The following PCDH9 variants were observed in gnomAD, a reference collection of about 807,000 sequenced individuals.
PCDH9 encodes the protein protocadherin 9.
In PCDH9, 24 loss-of-function variants were observed where a neutral mutation model predicts 70.6. The observed-to-expected ratio is 0.34, with a 90% CI of 0.25 to 0.48. The LOEUF (loss-of-function observed/expected upper bound fraction) is 0.48. Ranked by LOEUF, PCDH9 falls within the 20% of genes least tolerant of loss-of-function variation. The pLI, the probability that PCDH9 is intolerant of heterozygous loss-of-function variation, is 0.99. For synonymous variants in PCDH9, 562 were observed against 558.5 expected (o/e 1.01, Z -0.09); for missense variants, 1,281 against 1,503.6 (o/e 0.85, Z 2.45).
At chr13:67,114,756 T>C (rs2086726228) in intron 2 of PCDH9, among the ~76,000 whole-genome samples, 1 of 152,164 alleles carries the variant, frequency 6.6e-6, no homozygotes, top group Admixed American at 6.5e-5. Flanking sequence ...TGAGGGGAGA[T>C]AAATGTAGAA....
At chr13:67,093,856 T>A (rs1262715016) in intron 2 of PCDH9, among the ~76,000 whole-genome samples, 2 of 152,160 alleles carry the variant, frequency 1.3e-5, no homozygotes, top group Non-Finnish European at 2.9e-5. Flanking sequence ...TCCAATATTA[T>A]TTATCAATTT....
chr13:66,912,514 G>GACACAC (rs34088176), intron 2 of PCDH9, among the ~76,000 whole-genome samples: 2,548 of 149,906 alleles, frequency 0.017, 42 homozygotes, highest in South Asian at 0.038. Context: ...CATAAGTGTG[G>GACACAC]ACACACACAC....
chr13:66,983,947 T>C (rs954207372), intron 2 of PCDH9, among the ~76,000 whole-genome samples: 14 of 152,076 alleles, frequency 9.2e-5, no homozygotes, highest in African/African-American at 3.4e-4. Flanking sequence ...TATTTTATTC[T>C]ATTGAAAAGC....
intron 3 of PCDH9, among the ~76,000 whole-genome samples, chr13:66,760,541 G>A (rs1484051813): frequency 6.6e-6 from 1 of 152,164 alleles, no homozygotes; most frequent in Non-Finnish European, 1.5e-5. Flanking sequence ...AGCTGAGGAT[G>A]TATGTCACCT....
rs2086435660 is a variant in PCDH9 at position 67,101,581 on chromosome 13, G to A, written c.3036+123824C>T. Among the ~76,000 whole-genome samples the A allele has an allele frequency of 2.0e-5, 3 of 152,144 alleles. No individual in the cohort carries two copies. The South Asian group carries it at 6.2e-4, about 31-fold the overall frequency. ...TATGTGTATCAACAGAACTCAAAAT[G>A]TAAACCAGTGTAAAGTAGTGTAACT... On this transcript the variant is annotated intron_variant, in intron 2 of 4. Transcript: ENST00000377865.
chr13:66,816,815 A>T (rs976050970), intron 3 of PCDH9, among the ~76,000 whole-genome samples: 1 of 151,706 alleles, frequency 6.6e-6, no homozygotes, highest in African/African-American at 2.4e-5. Flanking sequence ...ATCCCCGTGG[A>T]TTGAAATTAT....
intron 3 of PCDH9, among the ~76,000 whole-genome samples, chr13:66,691,993 G>C (rs916808453): frequency 6.6e-6 from 1 of 152,088 alleles, no homozygotes; most frequent in South Asian, 2.1e-4. Flanking sequence ...CCAAATCTCT[G>C]GCTAGGTCAT....
intron 4 of PCDH9, among the ~76,000 whole-genome samples, chr13:66,569,908 G>A (rs533879031): frequency 6.6e-6 from 1 of 152,082 alleles, no homozygotes; most frequent in South Asian, 2.1e-4. Flanking sequence ...TCACACCCTT[G>A]GTTATTTATC....
chr13:66,909,175 C>G (rs2139613543), intron 2 of PCDH9, among the ~76,000 whole-genome samples: 1 of 151,470 alleles, frequency 6.6e-6, no homozygotes, highest in South Asian at 2.1e-4. Flanking sequence ...ATTAGTCAAG[C>G]ACCAAAACAA....
intron 3 of PCDH9, among the ~76,000 whole-genome samples, chr13:66,683,591 C>T (rs1566503812): frequency 6.6e-6 from 1 of 152,136 alleles, no homozygotes; most frequent in Non-Finnish European, 1.5e-5. Flanking sequence ...CATTTATACT[C>T]ACATTAATCA....
intron 2 of PCDH9, among the ~76,000 whole-genome samples, chr13:67,112,827 T>G (rs924021663): frequency 2.0e-5 from 3 of 152,208 alleles, no homozygotes; most frequent in South Asian, 4.1e-4. Context: ...CCAGTGATCC[T>G]CACACCTCAG....
chr13:67,100,577 A>G lies in PCDH9; in HGVS notation c.3036+124828T>C, dbSNP rs967881915. 3.9e-5 allele frequency among the ~76,000 whole-genome samples: 6 copies of G among 152,342 alleles called. No individual in the cohort carries two copies. The South Asian group carries it at 8.3e-4, about 21-fold the overall frequency. On this transcript the variant is annotated intron_variant, in intron 2 of 4. Transcript: ENST00000377865. ...GCAAGAATTAATACTAAGAAACTGA[A>G]GAAATAAGCACAAAAAAGTAATCAC...
chr13:67,083,701 T>C (rs370566515), intron 2 of PCDH9, among the ~76,000 whole-genome samples: 1 of 152,298 alleles, frequency 6.6e-6, no homozygotes, highest in African/African-American at 2.4e-5. Context: ...GTATACATTA[T>C]GTTAGTACAA....
chr13:66,526,102 C>T (rs1960207046), intron 4 of PCDH9, among the ~76,000 whole-genome samples: 1 of 152,050 alleles, frequency 6.6e-6, no homozygotes, highest in Admixed American at 6.6e-5. Context: ...GACTGATGCT[C>T]AATAAAAATA....
At chr13:66,705,515 T>C (rs1176684125) in intron 3 of PCDH9, among the ~76,000 whole-genome samples, 8 of 152,208 alleles carry the variant, frequency 5.3e-5, no homozygotes, top group Admixed American at 3.9e-4. Flanking sequence ...ACCTCATCTA[T>C]TTTAGTAAGA....
At chr13:66,891,677 A>G (rs1439595729) in intron 3 of PCDH9, among the ~76,000 whole-genome samples, 7 of 152,126 alleles carry the variant, frequency 4.6e-5, no homozygotes, top group African/African-American at 1.4e-4. Flanking sequence ...ATCAGTTTCA[A>G]AAAGTATAAA....
intron 2 of PCDH9, among the ~76,000 whole-genome samples, chr13:67,030,174 G>A (rs2084874902): frequency 6.6e-6 from 1 of 151,998 alleles, no homozygotes; most frequent in Non-Finnish European, 1.5e-5. Context: ...ACCACCTCCC[G>A]GGTTCAAGCT....
chr13:66,639,791 T>G (rs796800544), intron 3 of PCDH9, among the ~76,000 whole-genome samples: 2 of 152,284 alleles, frequency 1.3e-5, no homozygotes, highest in African/African-American at 4.8e-5. Flanking sequence ...TTGTCTGCAT[T>G]GTTGGTGATT....
At chr13:66,329,918 A>G (rs1332695343) in intron 4 of PCDH9, among the ~76,000 whole-genome samples, 1 of 152,228 alleles carries the variant, frequency 6.6e-6, no homozygotes, top group Non-Finnish European at 1.5e-5. Flanking sequence ...CTGCATTTCT[A>G]GAAAAAAAAT....
Sources: gnomAD v4.1 joint callset for allele counts (sites outside exome capture counted in the v4.1 genomes callset) on GRCh38, gnomAD v4.1.1 for gene constraint, MANE v1.5 for transcripts, NCBI Gene and HGNC (gene_info 2026-07-23, HGNC 2026-07-21) for gene names.